The following F13A1 variants were observed in gnomAD, a reference collection of about 807,000 sequenced individuals.
The protein encoded by F13A1 is FSF, A subunit.
In F13A1, 47 loss-of-function variants were observed where a neutral mutation model predicts 80.1. The ratio of observed to expected loss-of-function variants is 0.59; its 90% CI spans 0.46 to 0.75. F13A1 has a LOEUF of 0.75. Among genes scored for constraint, F13A1 ranks in the 30% least tolerant of loss-of-function variants. The pLI, the probability that F13A1 is intolerant of heterozygous loss-of-function variation, is 0.00. For synonymous variants in F13A1, 349 were observed against 344.9 expected (o/e 1.01, Z -0.13); for missense variants, 817 against 930.4 (o/e 0.88, Z 1.59).
At chr6:6,297,359 T>C (rs1035043405) in intron 3 of F13A1, among the ~76,000 whole-genome samples, 37 of 151,650 alleles carry the variant, frequency 2.4e-4, no homozygotes, top group African/African-American at 9.0e-4. Flanking sequence ...AGAATTTGGC[T>C]GTGAATCCAT....
chr6:6,165,917 CAA>C (rs1345687278), intron 13 of F13A1, among the ~76,000 whole-genome samples: 3 of 152,264 alleles, frequency 2.0e-5, no homozygotes, highest in Non-Finnish European at 2.9e-5. Flanking sequence ...GCGAAGGAAA[CAA>C]AGAGACATGA....
rs573115832 is a variant in F13A1 at position 6,208,767 on chromosome 6, C to T, written c.1113-11441G>A. Among the ~76,000 whole-genome samples, 364 of 152,196 alleles carry T rather than the reference C, an allele frequency of 2.4e-3. 2 individuals carry two copies. The highest frequency in any genetic ancestry group is 4.5e-3 in the Non-Finnish European group (307 of 67,960). On this transcript the variant is annotated intron_variant, in intron 8 of 14. Coordinates refer to ENST00000264870, the MANE Select transcript of F13A1 (RefSeq NM_000129.4). Reference sequence around the variant, plus strand: ...CAATAAGATGATTTTAGTTTTCTCTCTTATTCGCTCTCTTATTTTTCTCTC... The same window carrying T: ...CAATAAGATGATTTTAGTTTTCTCTTTTATTCGCTCTCTTATTTTTCTCTC...
intron 8 of F13A1, among the ~76,000 whole-genome samples, chr6:6,218,154 G>C (rs12333025): frequency 0.032 from 4,843 of 152,276 alleles, 236 homozygotes; most frequent in African/African-American, 0.1. Flanking sequence ...TCATTTAGAA[G>C]GAGCGAAGCC....
chr6:6,223,177 A>G (rs552581459), intron 7 of F13A1, among the ~76,000 whole-genome samples: 4 of 152,130 alleles, frequency 2.6e-5, no homozygotes, highest in East Asian at 3.9e-4. Context: ...CCCAATTTCC[A>G]TCTTCAGGTT....
chr6:6,205,956 C>T (rs1761479818), intron 8 of F13A1, among the ~76,000 whole-genome samples: 2 of 152,064 alleles, frequency 1.3e-5, no homozygotes, highest in African/African-American at 4.8e-5. Flanking sequence ...AAAATGAAGC[C>T]CTACCCCCTT....
chr6:6,160,880 G>A (rs1157213602), intron 13 of F13A1, among the ~76,000 whole-genome samples: 1 of 150,438 alleles, frequency 6.6e-6, no homozygotes, highest in African/African-American at 2.4e-5. Context: ...AAAATTTGGA[G>A]ACATCTGTTT....
intron 6 of F13A1, among the ~76,000 whole-genome samples, chr6:6,233,885 A>G (rs1373817083): frequency 6.6e-6 from 1 of 152,162 alleles, no homozygotes; most frequent in Non-Finnish European, 1.5e-5. Context: ...AAAGCATTCA[A>G]CAAAATCCAA....
intron 6 of F13A1, among the ~76,000 whole-genome samples, chr6:6,247,750 C>T (rs1757574059): frequency 6.6e-6 from 1 of 152,198 alleles, no homozygotes; most frequent in African/African-American, 2.4e-5. Context: ...TACCCTGTGT[C>T]CTAACTTGTA....
intron 8 of F13A1, among the ~76,000 whole-genome samples, chr6:6,207,603 T>A (rs991489526): frequency 3.3e-5 from 5 of 152,148 alleles, no homozygotes; most frequent in Non-Finnish European, 2.9e-5. Flanking sequence ...AAGGTCCTCA[T>A]CTCTCATCTC....
chr6:6,202,992 G>T lies in F13A1; in HGVS notation c.1113-5666C>A, dbSNP rs150717128. 6.6e-3 allele frequency among the ~76,000 whole-genome samples: 1,007 copies of T among 152,262 alleles called. 13 individuals carry two copies. The highest frequency in any genetic ancestry group is 0.022 in the African/African-American group (933 of 41,536). ...TCCATGTGCTTTGAATTTGTACACG[G>T]GAAATAATCATACAAATGCAAAGAC... On this transcript the variant is annotated intron_variant, in intron 8 of 14. Coordinates refer to ENST00000264870, the MANE Select transcript of F13A1 (RefSeq NM_000129.4).
chr6:6,228,455 C>T (rs1441771167), intron 6 of F13A1, among the ~76,000 whole-genome samples: 1 of 152,040 alleles, frequency 6.6e-6, no homozygotes, highest in Non-Finnish European at 1.5e-5. Context: ...AATCAAAATG[C>T]TGATCTTTTT....
At position 6,304,974 on chromosome 6, in the gene F13A1, C is replaced by T. The variant is rs150783300; in HGVS notation, c.319+377G>A. The T allele has an allele frequency of 1.2e-3, 412 of 345,172 alleles. 1 individual carries two copies. In the Middle Eastern group the frequency reaches 0.023, roughly 19 times the overall value. The allele number at this position is 345,172 out of a possible 1,614,324, so 21.4% of individuals were successfully genotyped here. A position where few individuals can be genotyped will look rare whatever the true frequency, so the allele number is the denominator to read the frequency against. ...ACTAGATCAGAGCAGAATCAACTTT[C>T]GGAATGCATACTTGGATTGCATGCT... On this transcript the variant is annotated intron_variant, in intron 3 of 14. Transcript: ENST00000264870.
chr6:6,167,807 C>T (rs1760704548), intron 12 of F13A1, among the ~76,000 whole-genome samples, 189 bp from the exon 13 acceptor site: 1 of 152,168 alleles, frequency 6.6e-6, no homozygotes, highest in Admixed American at 6.5e-5. Context: ...AAAGAATGTG[C>T]TGGAAATTTA....
chr6:6,188,893 G>C lies in F13A1; in HGVS notation c.1306-6752C>G, dbSNP rs1327227564. ...GTAGGTCTCTAAGAACTTGCTTTATGAATCTGGGTGCTCCTGTATTGGGTG... is the reference window on the plus strand; with the variant it reads ...GTAGGTCTCTAAGAACTTGCTTTATCAATCTGGGTGCTCCTGTATTGGGTG... On this transcript the variant is annotated intron_variant, in intron 10 of 14. Coordinates refer to ENST00000264870, the MANE Select transcript of F13A1 (RefSeq NM_000129.4). Among the ~76,000 whole-genome samples the C allele has an allele frequency of 1.8e-4, 13 of 73,674 alleles. 4 individuals carry two copies. The highest frequency in any genetic ancestry group is 3.1e-4 in the Non-Finnish European group (13 of 42,412). The allele number at this position is 73,674 out of a possible 152,430, so 48.3% of individuals were successfully genotyped here. A position where few individuals can be genotyped will look rare whatever the true frequency, so the allele number is the denominator to read the frequency against.
rs1760257953 is a variant in F13A1, at chr6:6,145,371, G to C, written c.*248C>G. 1 of 534,582 alleles carries C rather than the reference G, an allele frequency of 1.9e-6. No individual in the cohort carries two copies. The highest frequency in any genetic ancestry group is 3.1e-5 in the Admixed American group (1 of 32,634). The allele number at this position is 534,582 out of a possible 1,614,324, so 33.1% of individuals were successfully genotyped here. A position where few individuals can be genotyped will look rare whatever the true frequency, so the allele number is the denominator to read the frequency against. ...ACTGTTACTCTTATGAGCTATGAGA[G>C]CTTAATTAAAGCTAATGCTTAGCAC... On this transcript the variant is annotated 3_prime_UTR_variant, in exon 15 of 15. Transcript: ENST00000264870.
Position 6,174,874 on chromosome 6 carries a change from G to T in F13A1, c.1460-7C>A. ...AATCTCTCTTCTTCTTGACCTGGGG[G>T]AGATCCAGAGATAATGACAGGCAAA... On this transcript the variant is annotated splice_region_variant and splice_polypyrimidine_tract_variant and intron_variant, in intron 11 of 14. Coordinates refer to ENST00000264870, the MANE Select transcript of F13A1 (RefSeq NM_000129.4). 6.2e-7 allele frequency: 1 copy of T among 1,614,128 alleles called. No homozygotes were observed. The highest frequency in any genetic ancestry group is 1.1e-5 in the South Asian group (1 of 91,048).
intron 10 of F13A1, among the ~76,000 whole-genome samples, chr6:6,185,881 C>T (rs1388188943): frequency 2.0e-5 from 3 of 151,210 alleles, no homozygotes; most frequent in African/African-American, 7.3e-5. Context: ...TCTCCAGCAC[C>T]TGTTGTTTCC....
chr6:6,245,379 T>A (rs1368890331), intron 6 of F13A1, among the ~76,000 whole-genome samples: 1 of 152,106 alleles, frequency 6.6e-6, no homozygotes, highest in Non-Finnish European at 1.5e-5. Flanking sequence ...TGCATCACCA[T>A]GCCTGGCTAA....
intron 3 of F13A1, among the ~76,000 whole-genome samples, chr6:6,294,763 C>CT (rs1758294881): frequency 6.7e-6 from 1 of 149,848 alleles, no homozygotes; most frequent in African/African-American, 2.5e-5. Context: ...TATTATAATA[C>CT]TTTAAGTTTT....
Sources: gnomAD v4.1 joint callset for allele counts (sites outside exome capture counted in the v4.1 genomes callset) on GRCh38, gnomAD v4.1.1 for gene constraint, MANE v1.5 for transcripts, NCBI Gene and HGNC (gene_info 2026-07-23, HGNC 2026-07-21) for gene names.